Variants in CSMD3 observed in about 807,000 individuals in gnomAD.
CSMD3 encodes the protein CUB and Sushi multiple domains 3.
In CSMD3, 177 loss-of-function variants were observed where a neutral mutation model predicts 435.2. That is an observed-to-expected ratio of 0.41 (90% CI 0.36 to 0.46). The LOEUF is 0.46. Ranked by LOEUF, CSMD3 falls within the 20% of genes least tolerant of loss-of-function variation. The probability of loss-of-function intolerance (pLI) is 0.34; values close to 1 mark genes in which losing one functional copy is unlikely to be tolerated. For synonymous variants in CSMD3, 1,656 were observed against 1,520.5 expected, an observed-to-expected ratio of 1.09 and a Z score of -2.07; for missense variants, 4,265 against 4,504.6, an observed-to-expected ratio of 0.95 and a Z score of 1.52.
At chr8:113,016,107 A>C (rs550200139) in intron 6 of CSMD3, among the ~76,000 whole-genome samples, 1 of 151,970 alleles carries the variant, frequency 6.6e-6, no homozygotes, top group African/African-American at 2.4e-5. Context: ...AGACAGTAAT[A>C]AATTATTTAA....
chr8:112,697,790 C>T (rs1350689608), intron 13 of CSMD3, among the ~76,000 whole-genome samples: 1 of 151,908 alleles, frequency 6.6e-6, no homozygotes, highest in East Asian at 1.9e-4. Context: ...CTGTCCTTAA[C>T]TGAAGGCACA....
At chr8:112,392,988 A>T (rs934987819) in intron 35 of CSMD3, among the ~76,000 whole-genome samples, 1 of 150,126 alleles carries the variant, frequency 6.7e-6, no homozygotes, top group Non-Finnish European at 1.5e-5. Flanking sequence ...ACCTCAGCCT[A>T]CAGAGTAGCT....
chr8:112,776,793 G>A (rs1030377746), intron 13 of CSMD3, among the ~76,000 whole-genome samples: 1 of 151,620 alleles, frequency 6.6e-6, no homozygotes, highest in Non-Finnish European at 1.5e-5. Context: ...GTTTCTATAT[G>A]TTAATTCTAT....
chr8:112,384,608 T>C (rs1829773166), intron 36 of CSMD3, among the ~76,000 whole-genome samples: 1 of 152,224 alleles, frequency 6.6e-6, no homozygotes, highest in African/African-American at 2.4e-5. Flanking sequence ...ACTCATTCAC[T>C]AAATAATTAC....
chr8:113,385,641 T>C (rs377310268), intron 1 of CSMD3, among the ~76,000 whole-genome samples: 3 of 152,224 alleles, frequency 2.0e-5, no homozygotes, highest in Admixed American at 6.6e-5. Context: ...CCAGGGAATA[T>C]GTCAGAGCTG....
intron 13 of CSMD3, among the ~76,000 whole-genome samples, chr8:112,696,771 C>G (rs1185490875): frequency 1.3e-5 from 2 of 151,506 alleles, no homozygotes; most frequent in African/African-American, 4.8e-5. Flanking sequence ...AAGAAACTAC[C>G]ATCAGAGTGA....
At chr8:113,176,922 A>G (rs891800609) in intron 3 of CSMD3, among the ~76,000 whole-genome samples, 3 of 151,980 alleles carry the variant, frequency 2.0e-5, no homozygotes, top group African/African-American at 7.2e-5. Context: ...GTATGTTTAA[A>G]AAAGAAAAGA....
intron 6 of CSMD3, among the ~76,000 whole-genome samples, chr8:112,987,412 A>G (rs1171474969): frequency 1.3e-5 from 2 of 152,150 alleles, no homozygotes; most frequent in Non-Finnish European, 2.9e-5. Context: ...AAATAAATAG[A>G]TACCAAAAAT....
At chr8:112,384,213 AT>A in intron 36 of CSMD3, among the ~76,000 whole-genome samples, 1 of 152,256 alleles carries the variant, frequency 6.6e-6, no homozygotes, top group Non-Finnish European at 1.5e-5. Context: ...TAACACGCAT[AT>A]TTTTAATAAG....
At chr8:112,432,382 C>A (rs572713458) in intron 32 of CSMD3, among the ~76,000 whole-genome samples, 1 of 152,238 alleles carries the variant, frequency 6.6e-6, no homozygotes. Flanking sequence ...TATCTCACTG[C>A]AGCTTTGAAT....
chr8:112,838,541 A>T (rs902289161), intron 11 of CSMD3, among the ~76,000 whole-genome samples: 14 of 151,746 alleles, frequency 9.2e-5, no homozygotes, highest in African/African-American at 3.4e-4. Context: ...TTTGCTCTAA[A>T]TTAAAATAAT....
At chr8:113,263,472 A>C (rs1235374900) in intron 3 of CSMD3, among the ~76,000 whole-genome samples, 2 of 151,950 alleles carry the variant, frequency 1.3e-5, no homozygotes, top group African/African-American at 4.8e-5. Context: ...TGTATTATTA[A>C]TCACTATTGC....
intron 1 of CSMD3, among the ~76,000 whole-genome samples, 196 bp from the exon 2 acceptor site, chr8:113,314,989 A>AT (rs2093898535): frequency 6.6e-6 from 1 of 152,216 alleles, no homozygotes; most frequent in Non-Finnish European, 1.5e-5. Context: ...AAGATTTATC[A>AT]TTTATAATAC....
chr8:112,506,966 G>C, intron 28 of CSMD3, 137 bp from the exon 29 acceptor site: 2 of 723,094 alleles, frequency 2.8e-6, no homozygotes, highest in Non-Finnish European at 4.8e-6. Flanking sequence ...TTGATGCTTG[G>C]ATACAGCATT....
chr8:113,222,629 A>G (rs990377756), intron 3 of CSMD3, among the ~76,000 whole-genome samples: 70 of 151,252 alleles, frequency 4.6e-4, no homozygotes, highest in African/African-American at 1.6e-3. Context: ...AGTTATTTTC[A>G]GACAAATTAT....
intron 10 of CSMD3, among the ~76,000 whole-genome samples, chr8:112,919,977 T>C (rs890411336): frequency 1.3e-5 from 2 of 151,782 alleles, no homozygotes; most frequent in African/African-American, 2.4e-5. Context: ...AGCTATACTA[T>C]TTAAAGAGAA....
At chr8:113,225,962 C>T (rs564151125) in intron 3 of CSMD3, among the ~76,000 whole-genome samples, 15 of 151,548 alleles carry the variant, frequency 9.9e-5, no homozygotes, top group South Asian at 4.2e-4. Flanking sequence ...TGACTTCTCA[C>T]GAGATCTGAT....
At chr8:112,275,451 G>A (rs1370658589) in intron 59 of CSMD3, among the ~76,000 whole-genome samples, 1 of 152,094 alleles carries the variant, frequency 6.6e-6, no homozygotes, top group Non-Finnish European at 1.5e-5. Context: ...GGAAGCTGAG[G>A]CAGGAGAATC....
At chr8:113,225,398 C>T (rs2132155078) in intron 3 of CSMD3, among the ~76,000 whole-genome samples, 1 of 151,504 alleles carries the variant, frequency 6.6e-6, no homozygotes, top group Non-Finnish European at 1.5e-5. Flanking sequence ...TCAGATGTCC[C>T]ATTTCTTTTA....
Sources: allele counts gnomAD v4.1 joint callset (sites outside exome capture counted in the v4.1 genomes callset), GRCh38; gene constraint gnomAD v4.1.1; transcripts MANE v1.5; gene names NCBI Gene and HGNC (gene_info 2026-07-23, HGNC 2026-07-21).